Variants in DEPTOR observed in about 807,000 individuals in gnomAD.
The protein encoded by DEPTOR is DEP domain containing MTOR interacting protein.
DEPTOR carries 41 observed loss-of-function variants against 41.6 expected under a neutral mutation model. The ratio of observed to expected loss-of-function variants is 0.98; its 90% CI spans 0.77 to 1.28. The LOEUF is 1.28. DEPTOR is among the 50% of genes most tolerant of loss of function. DEPTOR has a pLI of 0.00. For missense variants in DEPTOR, 514 were observed against 527.9 expected, an observed-to-expected ratio of 0.97 and a Z score of 0.26; for synonymous variants, 195 against 192.3, an observed-to-expected ratio of 1.01 and a Z score of -0.12.
intron 4 of DEPTOR, among the ~76,000 whole-genome samples, chr8:119,998,002 C>T (rs1470007972): frequency 1.3e-5 from 2 of 152,136 alleles, no homozygotes; most frequent in African/African-American, 4.8e-5. Context: ...TCTGTTTTTA[C>T]CATCTTTTCC....
At position 119,965,278 on chromosome 8, in the gene DEPTOR, G is replaced by A. The variant is rs1170574953; in HGVS notation, c.472G>A (p.Gly158Arg). ...NTLLQPREEE[G>R]VKYERTFMAS... The stretch of plus-strand genomic sequence containing the variant: ...ACTCCTGCAGCCCAGGGAGGAGGAA[G>A]GGGTCAAGTATGAGCGCACCTTCAT... Residue 158 changes from glycine (G) to arginine (R), a missense_variant, in exon 4 of 9, where the codon GGG becomes AGG. Transcript: ENST00000286234. 6.2e-7 allele frequency: 1 copy of A among 1,614,030 alleles called. No homozygotes were observed. Among genetic ancestry groups the A allele is most frequent in the African/African-American group, 1.3e-5 (1 of 74,922 alleles).
intron 3 of DEPTOR, among the ~76,000 whole-genome samples, chr8:119,940,255 C>A (rs764904151): frequency 4.0e-5 from 6 of 151,874 alleles, no homozygotes; most frequent in Non-Finnish European, 8.8e-5. Context: ...CATGTAATTA[C>A]CATGATCCAG....
intron 3 of DEPTOR, among the ~76,000 whole-genome samples, chr8:119,963,352 G>GTTTTTTTTTTTTTTT: frequency 6.6e-6 from 1 of 150,952 alleles, no homozygotes; most frequent in Non-Finnish European, 1.5e-5. Context: ...ATTGGGTTTT[G>GTTTTTTTTTTTTTTT]TTTTGTTTTT....
At chr8:119,940,212 C>T (rs1300665358) in intron 3 of DEPTOR, among the ~76,000 whole-genome samples, 5 of 151,608 alleles carry the variant, frequency 3.3e-5, no homozygotes, top group Non-Finnish European at 7.4e-5. Flanking sequence ...AGTGAAACTC[C>T]ATCTCAAACA....
chr8:120,043,795 T>G (rs1466931703), intron 8 of DEPTOR, among the ~76,000 whole-genome samples: 1 of 152,044 alleles, frequency 6.6e-6, no homozygotes, highest in Non-Finnish European at 1.5e-5. Flanking sequence ...GTGGATCACC[T>G]GAGGTCAGGA....
At chr8:119,937,374 G>A (rs1356816970) in intron 3 of DEPTOR, among the ~76,000 whole-genome samples, 2 of 152,202 alleles carry the variant, frequency 1.3e-5, no homozygotes, top group Non-Finnish European at 2.9e-5. Flanking sequence ...ACTCCAGCCT[G>A]GGTGACAGAG....
At chr8:119,929,019 AAC>A (rs1411790779) in intron 2 of DEPTOR, among the ~76,000 whole-genome samples, 12 of 152,340 alleles carry the variant, frequency 7.9e-5, no homozygotes, top group African/African-American at 2.9e-4. Context: ...CAACTTGATC[AAC>A]ACACTGTGAG....
At chr8:119,888,366 C>T (rs1365420475) in intron 1 of DEPTOR, among the ~76,000 whole-genome samples, 3 of 152,130 alleles carry the variant, frequency 2.0e-5, no homozygotes, top group Admixed American at 6.5e-5. Context: ...CCTCCCCTGC[C>T]TTTAGCTCTC....
intron 8 of DEPTOR, among the ~76,000 whole-genome samples, chr8:120,029,071 C>CAA (rs1563596973): frequency 1.7e-5 from 1 of 57,968 alleles, no homozygotes; most frequent in African/African-American, 7.6e-5. Flanking sequence ...AAAACTCCAT[C>CAA]TAAAAAAAAA....
rs192945445 is a variant in DEPTOR, at chr8:119,959,012, G to A, written c.426-6220G>A. Among the ~76,000 whole-genome samples the A allele has an allele frequency of 4.8e-3, 737 of 152,200 alleles. 3 individuals carry two copies. Among genetic ancestry groups the A allele is most frequent in the Non-Finnish European group, 8.6e-3 (582 of 67,986 alleles). Reference sequence around the variant, plus strand: ...TTCTGTCACTTGTGTTGACATACGTGTGACAGTTGTCCTTACCACCTTCTA... The same window carrying A: ...TTCTGTCACTTGTGTTGACATACGTATGACAGTTGTCCTTACCACCTTCTA... On this transcript the variant is annotated intron_variant, in intron 3 of 8. Coordinates refer to ENST00000286234, the MANE Select transcript of DEPTOR (RefSeq NM_022783.4).
chr8:120,038,082 C>A (rs955082176), intron 8 of DEPTOR, among the ~76,000 whole-genome samples: 7 of 151,214 alleles, frequency 4.6e-5, no homozygotes, highest in African/African-American at 1.7e-4. Context: ...GCCTGGGCAA[C>A]ATGATGCAAC....
chr8:120,035,520 G>A (rs1812967685), intron 8 of DEPTOR, among the ~76,000 whole-genome samples: 1 of 152,118 alleles, frequency 6.6e-6, no homozygotes, highest in Non-Finnish European at 1.5e-5. Context: ...AGTGGTAAAG[G>A]AGGGAGTCCA....
chr8:119,901,759 G>T (rs1419058036), intron 1 of DEPTOR, among the ~76,000 whole-genome samples: 1 of 151,808 alleles, frequency 6.6e-6, no homozygotes, highest in Non-Finnish European at 1.5e-5. Flanking sequence ...TGGCTCCAAT[G>T]CTTTCTGAAG....
chr8:120,038,606 A>T (rs1179447984), intron 8 of DEPTOR, among the ~76,000 whole-genome samples: 2 of 151,942 alleles, frequency 1.3e-5, no homozygotes, highest in South Asian at 4.1e-4. Flanking sequence ...AAAAAAAAAA[A>T]AAAGAAAAAA....
chr8:119,936,433 G>C (rs1176797764), intron 3 of DEPTOR, among the ~76,000 whole-genome samples: 3 of 152,174 alleles, frequency 2.0e-5, no homozygotes, highest in Non-Finnish European at 2.9e-5. Context: ...ACAATAGCCA[G>C]AATTCACCTT....
In DEPTOR at chr8:119,991,615, G is replaced by C. The variant is rs1363340691; in HGVS notation, c.605-9910G>C. ...TTACAGGCATGAGCCACTACGCTTG[G>C]CTTGGCTATTGTTTCCTTCTTTGCA... On this transcript the variant is annotated intron_variant, in intron 4 of 8. Coordinates refer to ENST00000286234, the MANE Select transcript of DEPTOR (RefSeq NM_022783.4). 2.0e-5 allele frequency among the ~76,000 whole-genome samples: 3 copies of C among 152,124 alleles called. No individual in the cohort carries two copies. The South Asian group carries it at 6.2e-4, about 32-fold the overall frequency.
intron 6 of DEPTOR, among the ~76,000 whole-genome samples, chr8:120,003,737 C>G (rs567643572): frequency 6.6e-6 from 1 of 152,182 alleles, no homozygotes; most frequent in Non-Finnish European, 1.5e-5. Flanking sequence ...TGCTCATCAA[C>G]CTCCATGGCC....
intron 1 of DEPTOR, among the ~76,000 whole-genome samples, chr8:119,883,001 G>A (rs1196737689): frequency 6.6e-6 from 1 of 152,116 alleles, no homozygotes; most frequent in Non-Finnish European, 1.5e-5. Context: ...CGTGAAGATG[G>A]AGTTGGGGAG....
At chr8:119,991,524 G>A (rs766559014) in intron 4 of DEPTOR, among the ~76,000 whole-genome samples, 3 of 152,064 alleles carry the variant, frequency 2.0e-5, no homozygotes, top group Non-Finnish European at 4.4e-5. Flanking sequence ...TGCTGAGTTG[G>A]CCAGGCTGGT....
Sources: allele counts gnomAD v4.1 joint callset (sites outside exome capture counted in the v4.1 genomes callset), GRCh38; gene constraint gnomAD v4.1.1; transcripts MANE v1.5; gene names NCBI Gene and HGNC (gene_info 2026-07-23, HGNC 2026-07-21).